PIK3C3: variants seen among roughly 807,000 people sequenced by gnomAD.
PIK3C3 encodes the protein PI3-kinase type 3.
A neutral mutation model predicts 126.1 loss-of-function variants in PIK3C3; 95 were observed. That is an observed-to-expected ratio of 0.75 (90% CI 0.64 to 0.89). The LOEUF (loss-of-function observed/expected upper bound fraction) is 0.89, where lower values mean the gene tolerates loss of function less well. Ranked by LOEUF, PIK3C3 falls within the 40% of genes least tolerant of loss-of-function variation. The pLI is 0.00. For synonymous variants in PIK3C3, 374 were observed against 360.0 expected, an observed-to-expected ratio of 1.04 and a Z score of -0.44; for missense variants, 829 against 1,063.2, an observed-to-expected ratio of 0.78 and a Z score of 3.06.
intron 6 of PIK3C3, among the ~76,000 whole-genome samples, chr18:41,991,245 C>G (rs1324999634): frequency 6.6e-6 from 1 of 151,936 alleles, no homozygotes; most frequent in Non-Finnish European, 1.5e-5. Flanking sequence ...GTATGCAGGC[C>G]AGGTGTGGTG....
chr18:42,010,107 A>T (rs1305324615), intron 10 of PIK3C3, among the ~76,000 whole-genome samples: 1 of 152,140 alleles, frequency 6.6e-6, no homozygotes, highest in Non-Finnish European at 1.5e-5. Context: ...CCTCTCAAAT[A>T]CTGTCACTGC....
At chr18:42,018,878 G>A (rs1304905597) in intron 12 of PIK3C3, among the ~76,000 whole-genome samples, 3 of 152,096 alleles carry the variant, frequency 2.0e-5, no homozygotes, top group Non-Finnish European at 4.4e-5. Flanking sequence ...AAAGCACATA[G>A]CATAGCATGT....
In PIK3C3 at chr18:41,955,234, A is replaced by C. The variant is rs375722671; in HGVS notation, c.-58A>C. The C allele has an allele frequency of 1.1e-3, 1,558 of 1,425,676 alleles. 3 individuals are homozygous for C. Among genetic ancestry groups the C allele is most frequent in the Non-Finnish European group, 1.5e-3 (1,481 of 1,017,568 alleles). 88.3% of individuals were successfully genotyped at this position (1,425,676 alleles called of 1,614,324 possible). A position where few individuals can be genotyped will look rare whatever the true frequency, so the allele number is the denominator to read the frequency against. On this transcript the variant is annotated 5_prime_UTR_variant, in exon 1 of 25. The change abolishes an upstream ATG in the 5' untranslated region. Transcript: ENST00000262039. ...GTTGTGGGGCTCAGCTGGTTCATTTATGTTGTTTTTCCTGTACCTAAGTTC... is the reference window on the plus strand; with the variant it reads ...GTTGTGGGGCTCAGCTGGTTCATTTCTGTTGTTTTTCCTGTACCTAAGTTC...
intron 4 of PIK3C3, among the ~76,000 whole-genome samples, chr18:41,978,349 G>A (rs190679961): frequency 6.0e-4 from 92 of 152,220 alleles, no homozygotes; most frequent in Admixed American, 1.6e-3. Context: ...TTATACTTTG[G>A]GATTGCAATT....
intron 2 of PIK3C3, among the ~76,000 whole-genome samples, chr18:41,960,743 CTT>C (rs1980037488): frequency 1.3e-5 from 2 of 150,520 alleles, no homozygotes; most frequent in East Asian, 1.9e-4. Flanking sequence ...ATCATTTTTT[CTT>C]TTTTCTTTTT....
intron 21 of PIK3C3, among the ~76,000 whole-genome samples, chr18:42,054,164 A>ATATC (rs1984946325): frequency 2.8e-4 from 13 of 47,042 alleles, no homozygotes; most frequent in Admixed American, 2.4e-3. Flanking sequence ...ATATATATAT[A>ATATC]TATATATATA....
chr18:42,015,327 CAAT>C (rs1388767093), intron 11 of PIK3C3, 146 bp from the exon 12 acceptor site: 4 of 606,668 alleles, frequency 6.6e-6, no homozygotes, highest in Non-Finnish European at 1.2e-5. Context: ...TTCCAGAGTA[CAAT>C]GTGACTCTAG....
chr18:42,044,298 G>T (rs944847944), intron 20 of PIK3C3, among the ~76,000 whole-genome samples: 1 of 152,106 alleles, frequency 6.6e-6, no homozygotes, highest in African/African-American at 2.4e-5. Flanking sequence ...GAAATAAATA[G>T]TAAGTGACAT....
At chr18:42,059,366 G>A (rs560313963) in intron 22 of PIK3C3, among the ~76,000 whole-genome samples, 25 of 152,312 alleles carry the variant, frequency 1.6e-4, no homozygotes, top group African/African-American at 6.0e-4. Flanking sequence ...TGATGCAGAA[G>A]CACTTTCAGA....
At chr18:42,042,735 C>T (rs920534460) in intron 19 of PIK3C3, among the ~76,000 whole-genome samples, 8 of 152,200 alleles carry the variant, frequency 5.3e-5, no homozygotes, top group Admixed American at 6.5e-5. Context: ...TCACATTCAG[C>T]TTTACTTGAT....
At chr18:42,020,042 T>G (rs927279952) in intron 12 of PIK3C3, among the ~76,000 whole-genome samples, 1 of 152,148 alleles carries the variant, frequency 6.6e-6, no homozygotes. Context: ...GCATCTTAAC[T>G]GATCTCAGGT....
rs1361384926 is a variant in PIK3C3 at position 42,076,115 on chromosome 18, TATATATGCGC to T, written c.2650-5001_2650-4992del. 7.6e-4 allele frequency among the ~76,000 whole-genome samples: 56 copies of T among 73,694 alleles called. 1 individual carries two copies. Among genetic ancestry groups the T allele is most frequent in the African/African-American group, 1.4e-3 (19 of 13,614 alleles). 48.3% of individuals were successfully genotyped at this position (73,694 alleles called of 152,430 possible). A position where few individuals can be genotyped will look rare whatever the true frequency, so the allele number is the denominator to read the frequency against. Reference sequence around the variant, plus strand: ...ATATATATATATATATATATATATATATATATGCGCATATATATATATATATATGCGCATA... The same window carrying T: ...ATATATATATATATATATATATATATATATATATATATATATATGCGCATA... On this transcript the variant is annotated intron_variant, in intron 24 of 24. Coordinates refer to ENST00000262039, the MANE Select transcript of PIK3C3 (RefSeq NM_002647.4).
intron 10 of PIK3C3, among the ~76,000 whole-genome samples, chr18:42,006,828 AG>A (rs1185400921): frequency 8.7e-5 from 12 of 138,308 alleles, no homozygotes; most frequent in Non-Finnish European, 1.7e-4. Flanking sequence ...TGTGTGGGGG[AG>A]GGTAGGTGGG....
chr18:42,010,192 G>T (rs990042329), intron 10 of PIK3C3, among the ~76,000 whole-genome samples: 2 of 152,108 alleles, frequency 1.3e-5, no homozygotes, highest in African/African-American at 4.8e-5. Context: ...TCTTCACCAA[G>T]CATAGATCGC....
intron 4 of PIK3C3, among the ~76,000 whole-genome samples, chr18:41,983,294 A>G (rs1981299200): frequency 6.6e-6 from 1 of 152,096 alleles, no homozygotes; most frequent in African/African-American, 2.4e-5. Flanking sequence ...ATAGCCAGCA[A>G]GTTACATATA....
intron 24 of PIK3C3, among the ~76,000 whole-genome samples, chr18:42,078,234 G>A (rs956499863): frequency 1.6e-4 from 24 of 151,238 alleles, no homozygotes; most frequent in Admixed American, 3.3e-4. Context: ...AAAATTAGCC[G>A]GGTGCGGTGG....
intron 3 of PIK3C3, among the ~76,000 whole-genome samples, chr18:41,965,710 C>T (rs1386949928): frequency 1.3e-5 from 2 of 152,116 alleles, no homozygotes; most frequent in East Asian, 3.9e-4. Context: ...TTCATGCGTT[C>T]CTCTTCTTTA....
At position 41,970,764 on chromosome 18, in the gene PIK3C3, C is replaced by G; in HGVS notation, c.531+308C>G. On this transcript the variant is annotated intron_variant, in intron 4 of 24. Transcript: ENST00000262039. ...CATTTTCTGCTCCCTGCAGTTAGTT[C>G]CAGGCAAGTACTAATCTACTTACTA... 7.5e-6 allele frequency: 4 copies of G among 535,720 alleles called. No homozygotes were observed. In the South Asian group the frequency reaches 9.8e-5, roughly 13 times the overall value. The allele number at this position is 535,720 out of a possible 1,614,324, so 33.2% of individuals were successfully genotyped here.
At chr18:42,049,073 C>A (rs1598931606) in intron 20 of PIK3C3, among the ~76,000 whole-genome samples, 1 of 152,226 alleles carries the variant, frequency 6.6e-6, no homozygotes, top group African/African-American at 2.4e-5. Flanking sequence ...ATGTCTTTAC[C>A]ACTCAAATGA....
Sources: gnomAD v4.1 joint callset for allele counts (sites outside exome capture counted in the v4.1 genomes callset) on GRCh38, gnomAD v4.1.1 for gene constraint, MANE v1.5 for transcripts, NCBI Gene and HGNC (gene_info 2026-07-23, HGNC 2026-07-21) for gene names.